BMAL1: variants seen among roughly 807,000 people sequenced by gnomAD.
The protein encoded by BMAL1 is basic helix-loop-helix ARNT-like protein 1.
chr11:13,365,634 A>AG, the BMAL1 span: 113 of 1,517,388 alleles, frequency 7.4e-5, no homozygotes, highest in Non-Finnish European at 1.0e-4. Context: ...GCCTCACAGC[A>AG]GTCAGAAGTG....
the BMAL1 span, among the ~76,000 whole-genome samples, chr11:13,340,733 C>CT: frequency 6.6e-6 from 1 of 152,168 alleles, no homozygotes; most frequent in African/African-American, 2.4e-5. Context: ...CTCACCATCT[C>CT]TGAGTTCTTG....
chr11:13,323,180 G>C, the BMAL1 span, among the ~76,000 whole-genome samples: 1 of 152,070 alleles, frequency 6.6e-6, no homozygotes. Context: ...GGAGCACAGG[G>C]CAGAGGCTAG....
chr11:13,321,593 C>T, the BMAL1 span, among the ~76,000 whole-genome samples: 4 of 152,134 alleles, frequency 2.6e-5, no homozygotes, highest in African/African-American at 7.2e-5. Flanking sequence ...CTGCCTGCCA[C>T]GTGCCGGTCA....
chr11:13,363,780 A>G, the BMAL1 span, among the ~76,000 whole-genome samples: 14 of 152,180 alleles, frequency 9.2e-5, no homozygotes, highest in Non-Finnish European at 1.6e-4. Flanking sequence ...TCTTCCCAAG[A>G]GTGACCCTGC....
At chr11:13,370,150 G>C in the BMAL1 span, among the ~76,000 whole-genome samples, 1 of 152,128 alleles carries the variant, frequency 6.6e-6, no homozygotes, top group African/African-American at 2.4e-5. Context: ...CTTCCTTCTT[G>C]AAGTGTTCTC....
chr11:13,329,602 C>T, the BMAL1 span, among the ~76,000 whole-genome samples: 32 of 152,324 alleles, frequency 2.1e-4, no homozygotes, highest in Middle Eastern at 3.4e-3. Flanking sequence ...GAAGTAGTTT[C>T]TCTCAGCGAG....
chr11:13,366,601 C>A, the BMAL1 span: 1 of 1,406,302 alleles, frequency 7.1e-7, no homozygotes, highest in Non-Finnish European at 1.0e-6. Flanking sequence ...TGCATGCTTA[C>A]TTGTTGCATA....
the BMAL1 span, among the ~76,000 whole-genome samples, chr11:13,363,255 C>T: frequency 1.3e-4 from 19 of 149,176 alleles, no homozygotes; most frequent in Admixed American, 7.4e-4. Context: ...CGTGCTTAAT[C>T]GTTTTCTTGT....
chr11:13,331,988 C>T, the BMAL1 span, among the ~76,000 whole-genome samples: 6 of 152,188 alleles, frequency 3.9e-5, no homozygotes, highest in African/African-American at 7.2e-5. Flanking sequence ...AAGGCTGTAG[C>T]GGCTAGCATG....
the BMAL1 span, among the ~76,000 whole-genome samples, chr11:13,279,030 C>A: frequency 6.6e-6 from 1 of 152,156 alleles, no homozygotes; most frequent in African/African-American, 2.4e-5. Context: ...CGCCTGCTGT[C>A]AAGTTCTCGC....
At chr11:13,354,293 A>G in the BMAL1 span, 15 of 1,589,360 alleles carry the variant, frequency 9.4e-6, no homozygotes, top group Admixed American at 2.3e-4. Flanking sequence ...CTCTTGTAAC[A>G]ATTCCAGATC....
At chr11:13,386,878 C>T in the BMAL1 span, 2 of 1,157,326 alleles carry the variant, frequency 1.7e-6, no homozygotes, top group Non-Finnish European at 2.4e-6. Flanking sequence ...TCATAAAAGC[C>T]ATCTCAGAGC....
At chr11:13,299,806 C>T in the BMAL1 span, among the ~76,000 whole-genome samples, 1 of 152,152 alleles carries the variant, frequency 6.6e-6, no homozygotes, top group Non-Finnish European at 1.5e-5. Context: ...TCTTGGTTCA[C>T]TTTCTTTACC....
the BMAL1 span, among the ~76,000 whole-genome samples, chr11:13,368,356 AAG>A: frequency 1.3e-5 from 2 of 152,242 alleles, no homozygotes; most frequent in Non-Finnish European, 2.9e-5. Context: ...GGGAGGAACA[AAG>A]AGGAAACAAT....
the BMAL1 span, among the ~76,000 whole-genome samples, chr11:13,293,746 C>T: frequency 1.3e-5 from 2 of 152,214 alleles, no homozygotes; most frequent in African/African-American, 4.8e-5. Context: ...CATAGTATGT[C>T]CTTGGCAAGG....
At chr11:13,298,564 C>A in the BMAL1 span, among the ~76,000 whole-genome samples, 1 of 152,134 alleles carries the variant, frequency 6.6e-6, no homozygotes, top group Non-Finnish European at 1.5e-5. Flanking sequence ...AAGCTTGATG[C>A]AGGCAGGCAC....
At chr11:13,332,435 G>T in the BMAL1 span, among the ~76,000 whole-genome samples, 1 of 152,280 alleles carries the variant, frequency 6.6e-6, no homozygotes, top group Non-Finnish European at 1.5e-5. Context: ...ATATAAATTT[G>T]CAGTAACAAG....
chr11:13,290,561 A>ATTG, the BMAL1 span, among the ~76,000 whole-genome samples: 54 of 74,180 alleles, frequency 7.3e-4, no homozygotes, highest in Middle Eastern at 7.9e-3. Context: ...AAGTGTATAT[A>ATTG]TTATTATTAT....
the BMAL1 span, among the ~76,000 whole-genome samples, chr11:13,383,543 G>A: frequency 6.6e-6 from 1 of 152,118 alleles, no homozygotes; most frequent in Non-Finnish European, 1.5e-5. Context: ...TTTAAAGCCA[G>A]TTTCATTTAA....
Sources: allele counts gnomAD v4.1 joint callset (sites outside exome capture counted in the v4.1 genomes callset), GRCh38; gene constraint gnomAD v4.1.1; transcripts MANE v1.5; gene names NCBI Gene and HGNC (gene_info 2026-07-23, HGNC 2026-07-21).